THSD7B: variants seen among roughly 807,000 people sequenced by gnomAD.
The protein encoded by THSD7B is thrombospondin type-1 domain-containing protein 7B.
Under a neutral mutation model 213.6 loss-of-function variants are expected in THSD7B, and 138 were observed. The ratio of observed to expected loss-of-function variants is 0.65; its 90% CI spans 0.56 to 0.74. The LOEUF is 0.74. THSD7B is among the 30% of genes least tolerant of loss of function. The probability of loss-of-function intolerance (pLI) is 0.00; values close to 1 mark genes in which losing one functional copy is unlikely to be tolerated. For synonymous variants in THSD7B, 742 were observed against 687.0 expected (o/e 1.08, Z -1.25); for missense variants, 1,931 against 1,991.5 (o/e 0.97, Z 0.58).
At chr2:137,435,860 ACT>A (rs1687279243) in intron 14 of THSD7B, among the ~76,000 whole-genome samples, 1 of 151,658 alleles carries the variant, frequency 6.6e-6, no homozygotes, top group South Asian at 2.1e-4. Context: ...TGTTCAGGTG[ACT>A]CTGTGTCTTT....
intron 15 of THSD7B, among the ~76,000 whole-genome samples, chr2:137,546,362 TTA>T (rs769909811): frequency 0.018 from 988 of 55,160 alleles, 116 homozygotes; most frequent in African/African-American, 0.066. Flanking sequence ...TATATATATA[TTA>T]TATATATATA....
At chr2:137,329,649 G>A (rs532044302) in intron 12 of THSD7B, among the ~76,000 whole-genome samples, 1 of 152,302 alleles carries the variant, frequency 6.6e-6, no homozygotes, top group East Asian at 1.9e-4. Context: ...ATAGGCATGA[G>A]CCACTGCACC....
intron 17 of THSD7B, among the ~76,000 whole-genome samples, chr2:137,576,805 C>CT (rs1250948628): frequency 3.5e-5 from 5 of 144,460 alleles, no homozygotes; most frequent in Non-Finnish European, 7.5e-5. Flanking sequence ...ACCCCCCCCC[C>CT]TTTTTTTAAT....
intron 12 of THSD7B, among the ~76,000 whole-genome samples, chr2:137,277,837 G>T (rs1357793153): frequency 6.6e-6 from 1 of 152,090 alleles, no homozygotes; most frequent in Admixed American, 6.6e-5. Context: ...GTGTATGTGT[G>T]TTGGGAGTTG....
At chr2:137,208,383 C>G (rs1184203110) in intron 7 of THSD7B, among the ~76,000 whole-genome samples, 1 of 151,976 alleles carries the variant, frequency 6.6e-6, no homozygotes, top group African/African-American at 2.4e-5. Context: ...TGGGGAATTT[C>G]TTCAGACCCA....
chr2:136,974,977 T>C (rs1179424509), intron 2 of THSD7B, among the ~76,000 whole-genome samples: 1 of 152,200 alleles, frequency 6.6e-6, no homozygotes, highest in African/African-American at 2.4e-5. Context: ...CATATGTTTT[T>C]TGGCCACATA....
At position 136,896,717 on chromosome 2, in the gene THSD7B, C is replaced by T. The variant is rs373985841; in HGVS notation, c.139+14400C>T. On this transcript the variant is annotated intron_variant, in intron 2 of 27. Coordinates refer to ENST00000409968, the MANE Select transcript of THSD7B (RefSeq NM_001316349.2). ...TCTGTGACTCATTTCAAATTAATTT[C>T]TTTGGTATGAATAAAAGTCTAAGTT... Among the ~76,000 whole-genome samples, 7 of 152,056 alleles carry T rather than the reference C, an allele frequency of 4.6e-5. No individual in the cohort carries two copies. In the East Asian group the frequency reaches 9.7e-4, roughly 21 times the overall value.
At chr2:137,388,196 A>G (rs935749059) in intron 12 of THSD7B, among the ~76,000 whole-genome samples, 1 of 151,700 alleles carries the variant, frequency 6.6e-6, no homozygotes, top group African/African-American at 2.4e-5. Flanking sequence ...ATAATAGTAC[A>G]TACTTCCCAG....
intron 2 of THSD7B, among the ~76,000 whole-genome samples, chr2:136,892,317 T>G (rs1276461252): frequency 3.3e-5 from 5 of 152,150 alleles, no homozygotes; most frequent in Non-Finnish European, 7.4e-5. Context: ...ATCACTTCTG[T>G]TTACAAATTT....
intron 10 of THSD7B, among the ~76,000 whole-genome samples, chr2:137,271,385 A>G (rs1682729407): frequency 1.4e-5 from 2 of 139,902 alleles, no homozygotes; most frequent in Admixed American, 7.7e-5. Context: ...ATATATATAT[A>G]TATTATGAAT....
intron 17 of THSD7B, among the ~76,000 whole-genome samples, chr2:137,595,434 T>G (rs1264142952): frequency 6.6e-6 from 1 of 151,978 alleles, no homozygotes; most frequent in Non-Finnish European, 1.5e-5. Context: ...TAGGCAGCCC[T>G]AAAGCCAGAC....
At chr2:137,342,206 C>T (rs1343632580) in intron 12 of THSD7B, among the ~76,000 whole-genome samples, 1 of 151,158 alleles carries the variant, frequency 6.6e-6, no homozygotes, top group Non-Finnish European at 1.5e-5. Flanking sequence ...TTTAGTGTAC[C>T]GTTCTTTCAC....
At chr2:137,103,022 A>G (rs1688180005) in intron 4 of THSD7B, among the ~76,000 whole-genome samples, 1 of 152,220 alleles carries the variant, frequency 6.6e-6, no homozygotes, top group Non-Finnish European at 1.5e-5. Context: ...ATTCAAATTC[A>G]GGAAATACAG....
At chr2:137,280,715 T>G (rs1210468729) in intron 12 of THSD7B, among the ~76,000 whole-genome samples, 1 of 152,048 alleles carries the variant, frequency 6.6e-6, no homozygotes, top group African/African-American at 2.4e-5. Context: ...TTTTTAATGG[T>G]GACTTATATT....
chr2:137,452,613 C>T lies in THSD7B; in HGVS notation c.3138+1590C>T, dbSNP rs147971144. Among the ~76,000 whole-genome samples, 95 of 152,158 alleles carry T rather than the reference C, an allele frequency of 6.2e-4. 1 individual carries two copies. The highest frequency in any genetic ancestry group is 2.2e-3 in the African/African-American group (92 of 41,534). On this transcript the variant is annotated intron_variant, in intron 15 of 27. Transcript: ENST00000409968. ...AATGAAAGCTAAGCCTTTATAACAC[C>T]AGTGTTAAACACTCATTTTAATATG...
intron 3 of THSD7B, among the ~76,000 whole-genome samples, chr2:137,080,566 T>G (rs2104904141): frequency 6.6e-6 from 1 of 152,092 alleles, no homozygotes; most frequent in South Asian, 2.1e-4. Flanking sequence ...AAGTTACCTT[T>G]GTATTTAACT....
intron 1 of THSD7B, among the ~76,000 whole-genome samples, chr2:136,794,521 T>G (rs1410005402): frequency 6.6e-6 from 1 of 151,972 alleles, no homozygotes; most frequent in Admixed American, 6.6e-5. Context: ...CTTTCTGCTT[T>G]TTATTTCTAA....
chr2:136,887,471 G>A (rs60051617), intron 2 of THSD7B, among the ~76,000 whole-genome samples: 2 of 152,046 alleles, frequency 1.3e-5, no homozygotes, highest in African/African-American at 4.8e-5. Flanking sequence ...TGGATCATGA[G>A]GGGGGATCCC....
intron 15 of THSD7B, among the ~76,000 whole-genome samples, chr2:137,533,326 T>C (rs1470875154): frequency 6.6e-6 from 1 of 151,862 alleles, no homozygotes; most frequent in Non-Finnish European, 1.5e-5. Flanking sequence ...CTGTTATTTC[T>C]ACTCTGGTTA....
Sources: gnomAD v4.1 joint callset for allele counts (sites outside exome capture counted in the v4.1 genomes callset) on GRCh38, gnomAD v4.1.1 for gene constraint, MANE v1.5 for transcripts, NCBI Gene and HGNC (gene_info 2026-07-23, HGNC 2026-07-21) for gene names.